Variants in GGT5 observed in about 807,000 individuals in gnomAD.
GGT5 encodes the protein glutathione hydrolase 5 proenzyme.
A neutral mutation model predicts 58.1 loss-of-function variants in GGT5; 50 were observed. The observed-to-expected ratio is 0.86, with a 90% CI of 0.69 to 1.09. GGT5 has a LOEUF of 1.09. Ranked by LOEUF, GGT5 falls within the 50% of genes least tolerant of loss-of-function variation. The pLI is 0.00. For synonymous variants in GGT5, 370 were observed against 346.1 expected (o/e 1.07, Z -0.77); for missense variants, 800 against 789.4 (o/e 1.01, Z -0.16).
At position 24,232,945 on chromosome 22, in the gene GGT5, G is replaced by T; in HGVS notation, c.474C>A (p.Pro158=). 6.4e-7 allele frequency: 1 copy of T among 1,570,706 alleles called. No homozygotes were observed. The highest frequency in any genetic ancestry group is 8.6e-7 in the Non-Finnish European group (1 of 1,158,150). ...AEAHRRHGRL[P]WAQLFQPTIA... ...TGGTGGGCTGGAACAGCTGCGCCCA[G>T]GGCAGGCGGCCATGGCGGCGGTGGG... is the stretch of plus-strand genomic sequence containing the variant. The change falls in exon 4 of 12, where the codon CCC becomes CCA. Residue 158 remains proline (P), a synonymous_variant. Coordinates refer to ENST00000327365, the MANE Select transcript of GGT5 (RefSeq NM_004121.5).
Position 24,221,224 on chromosome 22 carries a change from T to C in GGT5, c.1615-1108A>G, listed in dbSNP as rs370231327. 5.1e-3 allele frequency among the ~76,000 whole-genome samples: 771 copies of C among 152,296 alleles called. 5 individuals carry two copies. Among genetic ancestry groups the C allele is most frequent in the South Asian group, 0.012 (59 of 4,798 alleles). On this transcript the variant is annotated intron_variant, in intron 11 of 11. Coordinates refer to ENST00000327365, the MANE Select transcript of GGT5 (RefSeq NM_004121.5). ...GTAACAGCCCTTTCCCAAAGCAGAC[T>C]TCCTTCTTGCCTGGGCACCAGACTG...
intron 1 of GGT5, among the ~76,000 whole-genome samples, chr22:24,238,544 A>T (rs1480982054): frequency 6.8e-6 from 1 of 146,406 alleles, no homozygotes; most frequent in South Asian, 2.1e-4. Flanking sequence ...CAAAAAAAAA[A>T]AATACAAAAA....
At chr22:24,221,105 C>A (rs922885899) in intron 11 of GGT5, among the ~76,000 whole-genome samples, 1 of 152,178 alleles carries the variant, frequency 6.6e-6, no homozygotes, top group African/African-American at 2.4e-5. Flanking sequence ...TCGACTCCAT[C>A]TTGCTTCTAA....
intron 1 of GGT5, among the ~76,000 whole-genome samples, chr22:24,238,886 ATATTTTATATATATATATAT>A (rs1569372157): frequency 0.072 from 887 of 12,372 alleles, 69 homozygotes; most frequent in Middle Eastern, 0.11. Context: ...TATATATTAT[ATATTTTATATATATATATAT>A]TATATATATT....
intron 1 of GGT5, chr22:24,243,513 AG>A (rs1174234108): frequency 1.3e-5 from 2 of 152,242 alleles, no homozygotes; most frequent in Non-Finnish European, 2.9e-5. Flanking sequence ...GAACAGAGAG[AG>A]AGAGCAGCCA....
intron 1 of GGT5, among the ~76,000 whole-genome samples, chr22:24,238,534 C>CA (rs1208871859): frequency 0.033 from 4,128 of 126,020 alleles, 235 homozygotes; most frequent in African/African-American, 0.11. Flanking sequence ...GACCCCATCT[C>CA]AAAAAAAAAA....
rs141634972 is a variant in GGT5, at chr22:24,233,521, G to A, written c.377C>T (p.Ala126Val). ...ACCTGTGCCCAGTGGCAGAGCCTGT[G>A]CACACTGGTCCAGCAGGCTCGGGGC... ...SHAPSLLDQC[A>V]QALPLGTGAQ... The change falls in exon 3 of 12, where the codon GCA (alanine) becomes GTA (valine). Residue 126 changes from alanine to valine, a missense_variant. Coordinates refer to ENST00000327365, the MANE Select transcript of GGT5 (RefSeq NM_004121.5). The A allele has an allele frequency of 3.1e-5, 50 of 1,606,282 alleles. No individual in the cohort carries two copies. Among genetic ancestry groups the A allele is most frequent in the Non-Finnish European group, 3.6e-5 (42 of 1,176,812 alleles).
intron 6 of GGT5, among the ~76,000 whole-genome samples, chr22:24,228,075 A>AC (rs1489340651): frequency 2.5e-4 from 37 of 147,836 alleles, no homozygotes; most frequent in African/African-American, 8.6e-4. Context: ...AACAAAACAA[A>AC]AAAAAAAAAA....
chr22:24,226,812 A>G, intron 6 of GGT5, 45 bp from the exon 7 acceptor site: 1 of 1,561,534 alleles, frequency 6.4e-7, no homozygotes, highest in Non-Finnish European at 8.8e-7. Flanking sequence ...CACCCTATGT[A>G]ATGGGTTGAA....
At chr22:24,232,503 A>G (rs1410857730) in intron 4 of GGT5, among the ~76,000 whole-genome samples, 1 of 152,136 alleles carries the variant, frequency 6.6e-6, no homozygotes, top group Non-Finnish European at 1.5e-5. Flanking sequence ...TGGGTGGGGC[A>G]GGTGAGAGTG....
chr22:24,244,582 G>C lies in GGT5; in HGVS notation c.144C>G (p.Ala48=), dbSNP rs111490105. The part of the protein sequence containing the change: ...PQAFAHAAVA[A]DSKVCSDIGR... ...CAATATCCGAGCAGACCTTGGAGTC[G>C]GCGGCAACAGCAGCGTGGGCAAAGG... The change falls in exon 1 of 12, where the codon GCC becomes GCG. Residue 48 remains alanine, a synonymous_variant. Transcript: ENST00000327365. The C allele has an allele frequency of 6.2e-7, 1 of 1,612,170 alleles. No homozygotes were observed. Among genetic ancestry groups the C allele is most frequent in the Non-Finnish European group, 8.5e-7 (1 of 1,179,804 alleles).
At chr22:24,225,502 G>T in intron 9 of GGT5, 44 bp downstream of exon 9, 1 of 1,585,230 alleles carries the variant, frequency 6.3e-7, no homozygotes, top group Non-Finnish European at 8.7e-7. Context: ...CTCTCCCCTG[G>T]TGGGGGGCCC....
At chr22:24,231,207 C>T (rs2093061053) in intron 6 of GGT5, among the ~76,000 whole-genome samples, 177 bp downstream of exon 6, 2 of 152,182 alleles carry the variant, frequency 1.3e-5, no homozygotes, top group South Asian at 2.1e-4. Context: ...AGCTCTAAAA[C>T]CCACCATCCT....
chr22:24,225,472 C>G, intron 9 of GGT5, 61 bp from the exon 10 acceptor site: 1 of 1,599,976 alleles, frequency 6.3e-7, no homozygotes, highest in Non-Finnish European at 8.6e-7. Context: ...GCATGCAACC[C>G]CAGCCCAGCC....
chr22:24,222,195 A>C (rs1371522535), intron 11 of GGT5, among the ~76,000 whole-genome samples: 1 of 152,028 alleles, frequency 6.6e-6, no homozygotes, highest in Non-Finnish European at 1.5e-5. Context: ...AACAAGCCAA[A>C]AAAACAAAAC....
In GGT5 at chr22:24,238,808, AT is replaced by A. The variant is rs2048195284; in HGVS notation, c.174-4805del. ...TATATTATATATTTATATATATATA[AT>A]ATATTATATATATATATATATATTT... On this transcript the variant is annotated intron_variant, in intron 1 of 11. Coordinates refer to ENST00000327365, the MANE Select transcript of GGT5 (RefSeq NM_004121.5). 2.6e-3 allele frequency among the ~76,000 whole-genome samples: 4 copies of A among 1,516 alleles called. 2 individuals carry two copies. The highest frequency in any genetic ancestry group is 5.1e-3 in the African/African-American group (2 of 390). 1.0% of individuals were successfully genotyped at this position (1,516 alleles called of 152,430 possible).
In GGT5 at chr22:24,226,643, G is replaced by A. The variant is rs1401728483; in HGVS notation, c.1026C>T (p.His342=). 4 of 1,613,968 alleles carry A rather than the reference G, an allele frequency of 2.5e-6. No individual in the cohort carries two copies. Among genetic ancestry groups the A allele is most frequent in the Non-Finnish European group, 2.5e-6 (3 of 1,179,976 alleles). The change falls in exon 7 of 12, where the codon CAC becomes CAT. Residue 342 remains histidine (H), a synonymous_variant. Coordinates refer to ENST00000327365, the MANE Select transcript of GGT5 (RefSeq NM_004121.5). ...QRWRLGDPRS[H]PKLQNASRDL... is the part of the protein sequence containing the mutation. ...TCAGCAACCTCACCTGGAGCTTCGG[G>A]TGGCTTCGAGGGTCCCCCAGCCTCC...
Position 24,226,142 on chromosome 22 carries a change from G to A in GGT5, c.1163C>T (p.Thr388Met), listed in dbSNP as rs755653164. Residue 388 changes from threonine (T) to methionine (M), a missense_variant, in exon 8 of 12, where the codon ACG (threonine) becomes ATG (methionine). By Grantham distance (81) the Thr-to-Met change is moderately conservative (BLOSUM62 -1). Transcript: ENST00000327365. ...LAEAWGHGTG[T>M]SHVSVLGEDG... ...CTCCCCCAGCACAGACACATGGGACGTGCCTGTCCCGTGGCCCCAGGCCTC... is the reference window on the plus strand; with the variant it reads ...CTCCCCCAGCACAGACACATGGGACATGCCTGTCCCGTGGCCCCAGGCCTC... The A allele has an allele frequency of 5.6e-5, 90 of 1,610,860 alleles. No individual in the cohort carries two copies. Among genetic ancestry groups the A allele is most frequent in the Admixed American group, 1.3e-4 (8 of 59,914 alleles).
intron 6 of GGT5, among the ~76,000 whole-genome samples, chr22:24,229,930 T>G (rs2047889586): frequency 6.7e-6 from 1 of 149,556 alleles, no homozygotes; most frequent in Non-Finnish European, 1.5e-5. Flanking sequence ...CCCCAAAAAC[T>G]AATGAAATAA....
Sources: allele counts gnomAD v4.1 joint callset (sites outside exome capture counted in the v4.1 genomes callset), GRCh38; gene constraint gnomAD v4.1.1; transcripts MANE v1.5; gene names NCBI Gene and HGNC (gene_info 2026-07-23, HGNC 2026-07-21).